The following WWOX variants were observed in gnomAD, a reference collection of about 807,000 sequenced individuals.
WWOX encodes WW domain containing oxidoreductase.
A neutral mutation model predicts 46.2 loss-of-function variants in WWOX; 69 were observed. The ratio of observed to expected loss-of-function variants is 1.49; its 90% CI spans 1.23 to 1.82. The LOEUF (loss-of-function observed/expected upper bound fraction) is 1.82, where lower values mean the gene tolerates loss of function less well. Among genes scored for constraint, WWOX ranks in the 40% most tolerant of loss-of-function variants. WWOX has a pLI of 0.00. For missense variants in WWOX, 919 were observed against 542.6 expected (o/e 1.69, Z -6.89); for synonymous variants, 359 against 202.6 (o/e 1.77, Z -6.56).
rs141365973 is a variant in WWOX, at chr16:78,801,233, G to A, written c.1056+368481G>A. Among the ~76,000 whole-genome samples, 3 of 151,968 alleles carry A rather than the reference G, an allele frequency of 2.0e-5. 1 individual carries two copies. The highest frequency in any genetic ancestry group is 4.4e-5 in the Non-Finnish European group (3 of 67,984). On this transcript the variant is annotated intron_variant, in intron 8 of 8. Transcript: ENST00000566780. ...AACACCACTCACCATTTTTGTGGTGGGCATGGTGGCTCATGCCTGTAATCC... is the reference window on the plus strand; with the variant it reads ...AACACCACTCACCATTTTTGTGGTGAGCATGGTGGCTCATGCCTGTAATCC...
At chr16:78,849,470 A>G (rs2151178617) in intron 8 of WWOX, among the ~76,000 whole-genome samples, 1 of 146,772 alleles carries the variant, frequency 6.8e-6, no homozygotes, top group South Asian at 2.3e-4. Context: ...GCTACTGGGG[A>G]GGCTGAGGCA....
intron 7 of WWOX, among the ~76,000 whole-genome samples, chr16:78,430,618 C>G (rs1044340914): frequency 1.3e-5 from 2 of 152,180 alleles, no homozygotes; most frequent in African/African-American, 2.4e-5. Context: ...AAATTGCCTG[C>G]TGAGTTCCAT....
Position 78,613,025 on chromosome 16 carries a change from C to G in WWOX, c.1056+180273C>G, listed in dbSNP as rs145784951. ...CTTCTCAGAACACCACTCAGTACTT[C>G]TGGGTTCCCCAAGAGGTGCCTCTTG... On this transcript the variant is annotated intron_variant, in intron 8 of 8. Coordinates refer to ENST00000566780, the MANE Select transcript of WWOX (RefSeq NM_016373.4). Among the ~76,000 whole-genome samples the G allele has an allele frequency of 7.9e-5, 12 of 152,266 alleles. No individual in the cohort carries two copies. In the East Asian group the frequency reaches 2.1e-3, roughly 27 times the overall value.
chr16:78,915,867 C>G (rs190965354), intron 8 of WWOX, among the ~76,000 whole-genome samples: 8 of 152,154 alleles, frequency 5.3e-5, no homozygotes, highest in African/African-American at 1.9e-4. Context: ...ACAGGAAGAA[C>G]GCTCAAAGAA....
At chr16:78,165,169 G>C (rs1411317078) in intron 5 of WWOX, among the ~76,000 whole-genome samples, 1 of 152,194 alleles carries the variant, frequency 6.6e-6, no homozygotes, top group Non-Finnish European at 1.5e-5. Flanking sequence ...GAAGACATTA[G>C]AGGGTTTGAG....
intron 8 of WWOX, among the ~76,000 whole-genome samples, chr16:78,460,938 T>C (rs543009038): frequency 1.3e-5 from 2 of 152,144 alleles, no homozygotes; most frequent in African/African-American, 4.8e-5. Context: ...ATATCAGTAG[T>C]GACAGGGGTA....
chr16:78,309,747 T>G (rs1196231805), intron 5 of WWOX, among the ~76,000 whole-genome samples: 1 of 152,198 alleles, frequency 6.6e-6, no homozygotes. Context: ...ACTGGAATGC[T>G]GTTAATAAGA....
At chr16:79,154,837 G>C (rs1170560660) in intron 8 of WWOX, among the ~76,000 whole-genome samples, 1 of 152,084 alleles carries the variant, frequency 6.6e-6, no homozygotes. Flanking sequence ...TTACACCTGT[G>C]CTTTTATAAA....
At chr16:78,682,694 C>G (rs1481087349) in intron 8 of WWOX, among the ~76,000 whole-genome samples, 2 of 152,102 alleles carry the variant, frequency 1.3e-5, no homozygotes, top group Non-Finnish European at 2.9e-5. Context: ...GGAAATATAG[C>G]AAGATCCCAA....
chr16:78,889,753 C>A (rs2044547487), intron 8 of WWOX, among the ~76,000 whole-genome samples: 2 of 152,024 alleles, frequency 1.3e-5, no homozygotes, highest in African/African-American at 4.8e-5. Context: ...GATATAGTTC[C>A]CTATTTTGTT....
chr16:78,791,851 G>T (rs1032286282), intron 8 of WWOX, among the ~76,000 whole-genome samples: 4 of 152,166 alleles, frequency 2.6e-5, no homozygotes, highest in Admixed American at 2.0e-4. Context: ...CTGCACTGCA[G>T]CCTGGGCGAC....
At chr16:78,715,097 A>ATAG (rs201769557) in intron 8 of WWOX, among the ~76,000 whole-genome samples, 2,229 of 152,272 alleles carry the variant, frequency 0.015, 22 homozygotes, top group South Asian at 0.038. Context: ...CCTGGGCCAC[A>ATAG]TAGTGAGACC....
chr16:78,972,842 T>A (rs1038606973), intron 8 of WWOX, among the ~76,000 whole-genome samples: 1 of 152,330 alleles, frequency 6.6e-6, no homozygotes, highest in Middle Eastern at 3.4e-3. Context: ...ACCCATTTAA[T>A]AAATCTGTCC....
intron 6 of WWOX, among the ~76,000 whole-genome samples, chr16:78,422,211 G>C (rs73572808): frequency 1.3e-5 from 2 of 152,096 alleles, no homozygotes; most frequent in Non-Finnish European, 2.9e-5. Flanking sequence ...GCTTCTATAT[G>C]ATTGCATATA....
At chr16:79,132,181 C>G (rs1418155926) in intron 8 of WWOX, among the ~76,000 whole-genome samples, 1 of 151,444 alleles carries the variant, frequency 6.6e-6, no homozygotes, top group African/African-American at 2.4e-5. Context: ...TTCCTACGTC[C>G]TACATCCCTG....
intron 8 of WWOX, among the ~76,000 whole-genome samples, chr16:78,745,443 C>T (rs1216056910): frequency 2.6e-5 from 4 of 151,346 alleles, no homozygotes; most frequent in Admixed American, 2.0e-4. Flanking sequence ...TCTCCCTCAA[C>T]ATTGACCTAG....
At chr16:78,157,309 G>T (rs2034639688) in intron 4 of WWOX, among the ~76,000 whole-genome samples, 1 of 152,112 alleles carries the variant, frequency 6.6e-6, no homozygotes, top group South Asian at 2.1e-4. Context: ...ACTTTGTTCG[G>T]TGCCTGCCCC....
chr16:78,295,326 A>G (rs1023558000), intron 5 of WWOX, among the ~76,000 whole-genome samples: 9 of 152,194 alleles, frequency 5.9e-5, no homozygotes, highest in Admixed American at 2.0e-4. Context: ...TTTAAGAGCA[A>G]TATGGAGGAA....
chr16:78,697,845 A>G (rs1183019417), intron 8 of WWOX, among the ~76,000 whole-genome samples: 2 of 152,150 alleles, frequency 1.3e-5, no homozygotes, highest in Non-Finnish European at 2.9e-5. Context: ...GGTCCTGACA[A>G]TACCCCATGA....
Sources: gnomAD v4.1 joint callset for allele counts (sites outside exome capture counted in the v4.1 genomes callset) on GRCh38, gnomAD v4.1.1 for gene constraint, MANE v1.5 for transcripts, NCBI Gene and HGNC (gene_info 2026-07-23, HGNC 2026-07-21) for gene names.